Variants in IGDCC4 observed in about 807,000 individuals in gnomAD.
IGDCC4 encodes immunoglobulin superfamily DCC subclass member 4.
IGDCC4 carries 72 observed loss-of-function variants against 116.6 expected under a neutral mutation model. The ratio of observed to expected loss-of-function variants is 0.62; its 90% CI spans 0.51 to 0.75. The LOEUF is 0.75. Ranked by LOEUF, IGDCC4 falls within the 30% of genes least tolerant of loss-of-function variation. The pLI, the probability that IGDCC4 is intolerant of heterozygous loss-of-function variation, is 0.00. For missense variants in IGDCC4, 1,501 were observed against 1,662.4 expected (o/e 0.90, Z 1.69); for synonymous variants, 709 against 719.9 (o/e 0.98, Z 0.24).
intron 1 of IGDCC4, among the ~76,000 whole-genome samples, chr15:65,414,750 T>A (rs2140238461): frequency 6.6e-6 from 1 of 152,324 alleles, no homozygotes; most frequent in East Asian, 1.9e-4. Context: ...CATATGATTC[T>A]CCAGCCTCAG....
Position 65,395,929 on chromosome 15 carries a change from G to C in IGDCC4, c.1232C>G (p.Ala411Gly). 6.3e-7 allele frequency: 1 copy of C among 1,591,694 alleles called. No individual in the cohort carries two copies. The highest frequency in any genetic ancestry group is 1.3e-5 in the African/African-American group (1 of 74,578). ...CGACGCGGCAGCGCACGCCATTCCCGCGCTGTTCTCAGCCACGCACTGGTA... is the reference window on the plus strand; with the variant it reads ...CGACGCGGCAGCGCACGCCATTCCCCCGCTGTTCTCAGCCACGCACTGGTA... ...GYYQCVAENSAGMACAAASLA... is the reference protein window; with the variant it reads ...GYYQCVAENSGGMACAAASLA... Residue 411 changes from alanine (A) to glycine (G), a missense_variant, in exon 7 of 20, where the codon GCG (alanine) becomes GGG (glycine). Coordinates refer to ENST00000352385, the MANE Select transcript of IGDCC4 (RefSeq NM_020962.3).
chr15:65,422,656 C>T, intron 1 of IGDCC4, 137 bp downstream of exon 1: 2 of 600,852 alleles, frequency 3.3e-6, no homozygotes, highest in South Asian at 4.0e-5. Context: ...GCGCAGGCAT[C>T]GCGGGCACCT....
chr15:65,421,058 C>A (rs1595798689), intron 1 of IGDCC4, among the ~76,000 whole-genome samples: 1 of 152,294 alleles, frequency 6.6e-6, no homozygotes, highest in African/African-American at 2.4e-5. Context: ...AGTCATGACT[C>A]GACTGGAGTG....
At position 65,385,919 on chromosome 15, in the gene IGDCC4, G is replaced by A. The variant is rs767449835; in HGVS notation, c.3092C>T (p.Pro1031Leu). ...CCTGTCCTCCACGTCTGAGGGTGGC[G>A]GGGACCAGTCCTGGGGATGGGGGTG... ...LVHPHPQDWS[P>L]PPSDVEDRAE... Residue 1031 changes from proline to leucine, a missense_variant, in exon 18 of 20, where the codon CCG (proline) becomes CTG (leucine). Around this residue, in one of 3 missense-constraint regions of IGDCC4, gnomAD observed 368 missense variants for 355.6 expected, o/e 1.03. Transcript: ENST00000352385. The A allele has an allele frequency of 2.5e-6, 4 of 1,612,528 alleles. No homozygotes were observed. The highest frequency in any genetic ancestry group is 3.4e-6 in the Non-Finnish European group (4 of 1,179,952).
At position 65,396,977 on chromosome 15, in the gene IGDCC4, A is replaced by T; in HGVS notation, c.854T>A (p.Ile285Asn). 6.3e-7 allele frequency: 1 copy of T among 1,580,916 alleles called. No homozygotes were observed. Among genetic ancestry groups the T allele is most frequent in the African/African-American group, 1.3e-5 (1 of 74,476 alleles). ...VSWVRQDGKP[I>N]STDVIVLGRT... is the part of the protein sequence containing the mutation. Reference sequence around the variant, plus strand: ...GCCCAGGACGATGACATCTGTGGAGATGGGCTTCCCGTCTGGGGAAGGAGA... The same window carrying T: ...GCCCAGGACGATGACATCTGTGGAGTTGGGCTTCCCGTCTGGGGAAGGAGA... Residue 285 changes from isoleucine (I) to asparagine (N), a missense_variant, in exon 6 of 20, where the codon ATC (isoleucine) becomes AAC (asparagine). This residue lies in a region of IGDCC4 where 898 missense variants were observed against 978.9 expected (regional missense o/e 0.92). Coordinates refer to ENST00000352385, the MANE Select transcript of IGDCC4 (RefSeq NM_020962.3).
At chr15:65,392,028 ACT>A in intron 11 of IGDCC4, 47 bp from the exon 12 acceptor site, 1 of 1,557,290 alleles carries the variant, frequency 6.4e-7, no homozygotes, top group South Asian at 1.2e-5. Context: ...ATCTGGGGTC[ACT>A]CTCCCGTCCA....
Position 65,386,672 on chromosome 15 carries a change from G to A in IGDCC4, c.2846-16C>T, listed in dbSNP as rs777045280. On this transcript the variant is annotated splice_polypyrimidine_tract_variant and intron_variant, in intron 16 of 19. Coordinates refer to ENST00000352385, the MANE Select transcript of IGDCC4 (RefSeq NM_020962.3). ...TCCAGCGAGTCTGGTGGGGGAGAGAGAGGCACAGAGCAGGTCAGGACAGAG... is the reference window on the plus strand; with the variant it reads ...TCCAGCGAGTCTGGTGGGGGAGAGAAAGGCACAGAGCAGGTCAGGACAGAG... 6.2e-7 allele frequency: 1 copy of A among 1,600,214 alleles called. No individual in the cohort carries two copies. Among genetic ancestry groups the A allele is most frequent in the Non-Finnish European group, 8.5e-7 (1 of 1,172,976 alleles).
rs1401054374 is a variant in IGDCC4 at position 65,383,663 on chromosome 15, A to G, written c.*346T>C. ...GGGCCCACAGGGCTGGGGACTGACC[A>G]CTGTGGGGCACCGTTCTGACCTGGA... On this transcript the variant is annotated 3_prime_UTR_variant, in exon 20 of 20. Coordinates refer to ENST00000352385, the MANE Select transcript of IGDCC4 (RefSeq NM_020962.3). 1 of 209,346 alleles carries G rather than the reference A, an allele frequency of 4.8e-6. No individual in the cohort carries two copies. The highest frequency in any genetic ancestry group is 5.8e-5 in the Admixed American group (1 of 17,344). The allele number at this position is 209,346 out of a possible 1,614,324, so 13.0% of individuals were successfully genotyped here. A position where few individuals can be genotyped will look rare whatever the true frequency, so the allele number is the denominator to read the frequency against.
rs770382821 is a variant in IGDCC4, at chr15:65,391,965, G to A, written c.2139C>T (p.Tyr713=). 1.0e-4 allele frequency: 164 copies of A among 1,611,604 alleles called. 1 individual carries two copies. The South Asian group carries it at 1.5e-3, about 15-fold the overall frequency. Residue 713 remains tyrosine, a synonymous_variant, in exon 12 of 20, where the codon TAC becomes TAT. Transcript: ENST00000352385. ...ELTQLVPGRL[Y]EVKLVAFNKH... ...TGTTGAAAGCCACGAGCTTCACCTC[G>A]TACAGCCGGCCAGGGACTGGGGAAG... is the stretch of plus-strand genomic sequence containing the variant.
At chr15:65,413,832 C>A (rs1311219782) in intron 1 of IGDCC4, among the ~76,000 whole-genome samples, 1 of 152,186 alleles carries the variant, frequency 6.6e-6, no homozygotes, top group Middle Eastern at 3.2e-3. Context: ...ATCAGGAGAC[C>A]CTCGGTTCTA....
At chr15:65,399,220 C>T (rs1477745894) in intron 5 of IGDCC4, among the ~76,000 whole-genome samples, 1 of 152,126 alleles carries the variant, frequency 6.6e-6, no homozygotes, top group Non-Finnish European at 1.5e-5. Flanking sequence ...GCTGTAATCC[C>T]AGCACCTTGG....
chr15:65,389,560 C>T, intron 13 of IGDCC4, 149 bp from the exon 14 acceptor site: 1 of 999,134 alleles, frequency 1.0e-6, no homozygotes, highest in Non-Finnish European at 1.5e-6. Flanking sequence ...CGACTACCAC[C>T]ACCCAGGGAC....
Position 65,396,110 on chromosome 15 carries a change from T to G in IGDCC4, c.1051A>C (p.Thr351Pro). Reference protein sequence around the residue: ...PEALSRTRASTARFVCRASGE... With the variant: ...PEALSRTRASPARFVCRASGE... ...GACGCGCGGCACACGAAGCGCGCTG[T>G]GCTCGCCCGCGTCCGCGACAGCGCC... Residue 351 changes from threonine to proline, a missense_variant, in exon 7 of 20, where the codon ACA becomes CCA. By Grantham distance (38) the Thr-to-Pro change is conservative. This residue lies in a region of IGDCC4 where 898 missense variants were observed against 978.9 expected (regional missense o/e 0.92). Transcript: ENST00000352385. The G allele has an allele frequency of 6.9e-7, 1 of 1,451,628 alleles. No homozygotes were observed. Among genetic ancestry groups the G allele is most frequent in the Non-Finnish European group, 9.0e-7 (1 of 1,109,376 alleles). The allele number at this position is 1,451,628 out of a possible 1,614,324, so 89.9% of individuals were successfully genotyped here.
chr15:65,393,341 TCTCTC>T lies in IGDCC4; in HGVS notation c.1885+15_1885+19del. The T allele has an allele frequency of 1.3e-6, 2 of 1,595,198 alleles. No homozygotes were observed. The highest frequency in any genetic ancestry group is 1.7e-6 in the Non-Finnish European group (2 of 1,169,020). On this transcript the variant is annotated intron_variant, in intron 10 of 19. Transcript: ENST00000352385. This position sits in a 1 kb window ranked among gnomAD's most constrained non-coding sequence, Gnocchi z 4.6. ...ACACAGTCACACACACACTGTCCTG[TCTCTC>T]CTCTAACCCCGTACCATGGCTCTGG... is the stretch of plus-strand genomic sequence containing the variant.
intron 1 of IGDCC4, 111 bp downstream of exon 1, chr15:65,422,682 G>A (rs1053055950): frequency 3.4e-6 from 3 of 870,460 alleles, no homozygotes; most frequent in South Asian, 2.8e-5. Context: ...CGCAGCCCCC[G>A]CACTTGCTCG....
Position 65,398,674 on chromosome 15 carries a change from G to T in IGDCC4, c.842-1685C>A, listed in dbSNP as rs189961280. Among the ~76,000 whole-genome samples, 182 of 151,926 alleles carry T rather than the reference G, an allele frequency of 1.2e-3. 2 individuals are homozygous for T. The highest frequency in any genetic ancestry group is 0.011 in the South Asian group (54 of 4,802). On this transcript the variant is annotated intron_variant, in intron 5 of 19. Coordinates refer to ENST00000352385, the MANE Select transcript of IGDCC4 (RefSeq NM_020962.3). Reference sequence around the variant, plus strand: ...TGGGCGGATCACGAGGTTGGATCACGAGGTCAGGAGATGGAGACCATCCTG... The same window carrying T: ...TGGGCGGATCACGAGGTTGGATCACTAGGTCAGGAGATGGAGACCATCCTG...
rs2140233031 is a variant in IGDCC4 at position 65,411,089 on chromosome 15, T to C, written c.352A>G (p.Asn118Asp). 1.2e-6 allele frequency: 2 copies of C among 1,614,190 alleles called. No individual in the cohort carries two copies. Among genetic ancestry groups the C allele is most frequent in the Non-Finnish European group, 1.7e-6 (2 of 1,180,034 alleles). ...VPEAVGVIEG[N>D]YSCLAHGPLG... ...GGGCCGTGGGCTAGGCACGAATAGT[T>C]GCCTTCAATGACCCCCACAGCCTCA... is the stretch of plus-strand genomic sequence containing the variant. The change falls in exon 2 of 20, where the codon AAC becomes GAC. Residue 118 changes from asparagine to aspartate, a missense_variant. Physicochemically the swap from Asn to Asp is conservative, Grantham distance 23. Transcript: ENST00000352385.
chr15:65,384,953 C>T lies in IGDCC4; in HGVS notation c.3342+1G>A. ...CTGCCCCTTCCTTCCAGGACGCTGA[C>T]CTTTATGGCGTCGTACACCAGAGCC... is the stretch of plus-strand genomic sequence containing the variant. On this transcript the variant is annotated splice_donor_variant, in intron 19 of 19. Coordinates refer to ENST00000352385, the MANE Select transcript of IGDCC4 (RefSeq NM_020962.3). LOFTEE classifies it high-confidence loss of function. This position sits in a 1 kb window ranked among gnomAD's most constrained non-coding sequence, Gnocchi z 4.9. The T allele has an allele frequency of 6.2e-7, 1 of 1,609,994 alleles. No homozygotes were observed. The highest frequency in any genetic ancestry group is 8.5e-7 in the Non-Finnish European group (1 of 1,178,564).
In IGDCC4 at chr15:65,385,110, G is replaced by C; in HGVS notation, c.3186C>G (p.Ser1062=). The change falls in exon 19 of 20, where the codon TCC becomes TCG. Residue 1062 remains serine (S), a synonymous_variant. Coordinates refer to ENST00000352385, the MANE Select transcript of IGDCC4 (RefSeq NM_020962.3). The stretch of plus-strand genomic sequence containing the variant: ...AGCTCAGCCCGCTTGGTTGAGCCCA[G>C]GAGATCTGCACGGGGGAAAGAAGGG... The part of the protein sequence containing the change: ...EGRSHSKRKI[S]WAQPSGLSWA... 6.3e-7 allele frequency: 1 copy of C among 1,591,116 alleles called. No individual in the cohort carries two copies. The highest frequency in any genetic ancestry group is 2.3e-5 in the East Asian group (1 of 43,700).
Sources: allele counts gnomAD v4.1 joint callset (sites outside exome capture counted in the v4.1 genomes callset), GRCh38; gene constraint gnomAD v4.1.1; regional missense constraint gnomAD v4.1.1; non-coding constraint Gnocchi (gnomAD v3.1); transcripts MANE v1.5; gene names NCBI Gene and HGNC (gene_info 2026-07-23, HGNC 2026-07-21).